GATAD2B: variants seen among roughly 807,000 people sequenced by gnomAD.
GATAD2B encodes transcriptional repressor p66-beta.
GATAD2B carries 8 observed loss-of-function variants against 64.3 expected under a neutral mutation model. That is an observed-to-expected ratio of 0.12 (90% confidence interval 0.07 to 0.22). The LOEUF is 0.22. GATAD2B is among the 10% of genes least tolerant of loss of function. The pLI, the probability that GATAD2B is intolerant of heterozygous loss-of-function variation, is 1.00. For synonymous variants in GATAD2B, 281 were observed against 271.3 expected, an observed-to-expected ratio of 1.04 and a Z score of -0.35; for missense variants, 453 against 752.0, an observed-to-expected ratio of 0.60 and a Z score of 4.65.
intron 1 of GATAD2B, among the ~76,000 whole-genome samples, chr1:153,917,958 A>G (rs1003690388): frequency 1.3e-5 from 2 of 152,370 alleles, no homozygotes; most frequent in Non-Finnish European, 2.9e-5. Context: ...ACATTTAAGC[A>G]AAGACGTTAA....
intron 1 of GATAD2B, among the ~76,000 whole-genome samples, chr1:153,920,555 T>C (rs1040362964): frequency 6.6e-6 from 1 of 152,204 alleles, no homozygotes; most frequent in Non-Finnish European, 1.5e-5. Flanking sequence ...GAGTGCAGCC[T>C]ATATTCAGAC....
At chr1:153,890,760 A>G (rs1396103801) in intron 1 of GATAD2B, 2 of 152,236 alleles carry the variant, frequency 1.3e-5, no homozygotes, top group African/African-American at 2.4e-5. Flanking sequence ...TACAGTGACA[A>G]TAACTGTAAG....
At chr1:153,863,919 C>T (rs1376262468) in intron 1 of GATAD2B, among the ~76,000 whole-genome samples, 2 of 152,160 alleles carry the variant, frequency 1.3e-5, no homozygotes, top group African/African-American at 2.4e-5. Context: ...GCCACCACGC[C>T]CGGCCTAAAA....
chr1:153,883,671 G>A (rs1011036585), intron 1 of GATAD2B, among the ~76,000 whole-genome samples: 1 of 151,240 alleles, frequency 6.6e-6, no homozygotes, highest in Non-Finnish European at 1.5e-5. Context: ...ATTCCCACGT[G>A]AGTCTGCTGA....
rs911507234 is a variant in GATAD2B, at chr1:153,809,681, G to C, written c.*496C>G. ...ACCCCTACTGCAATCTGCAATGCTC[G>C]TATCATTGAACTGAATGTCATTTGT... is the stretch of plus-strand genomic sequence containing the variant. On this transcript the variant is annotated 3_prime_UTR_variant, in exon 11 of 11. Transcript: ENST00000368655. 1 of 138,556 alleles carries C rather than the reference G, an allele frequency of 7.2e-6. No homozygotes were observed. Among genetic ancestry groups the C allele is most frequent in the East Asian group, 2.1e-4 (1 of 4,744 alleles). The allele number at this position is 138,556 out of a possible 1,614,324, so 8.6% of individuals were successfully genotyped here.
chr1:153,920,448 G>T (rs149517607), intron 1 of GATAD2B, among the ~76,000 whole-genome samples: 2 of 152,332 alleles, frequency 1.3e-5, no homozygotes, highest in Non-Finnish European at 2.9e-5. Context: ...CCACCCTGTG[G>T]CCCTATGCTA....
At chr1:153,811,925 G>A in intron 9 of GATAD2B, 77 bp from the exon 10 acceptor site, 1 of 1,249,060 alleles carries the variant, frequency 8.0e-7, no homozygotes, top group Non-Finnish European at 1.2e-6. Context: ...AGGGAGTACA[G>A]AAGAAGACTA....
intron 1 of GATAD2B, among the ~76,000 whole-genome samples, chr1:153,862,117 CCTTTT>C (rs1676318179): frequency 1.6e-5 from 2 of 123,954 alleles, no homozygotes; most frequent in Admixed American, 1.9e-4. Context: ...TACATTATAT[CCTTTT>C]TTTTTTTTTT....
chr1:153,892,977 G>C (rs1249905993), intron 1 of GATAD2B, among the ~76,000 whole-genome samples: 3 of 152,128 alleles, frequency 2.0e-5, no homozygotes, highest in Non-Finnish European at 4.4e-5. Flanking sequence ...ATAGGTGTGA[G>C]CCACTGCGCC....
At chr1:153,877,900 A>T (rs1280600587) in intron 1 of GATAD2B, among the ~76,000 whole-genome samples, 1 of 151,954 alleles carries the variant, frequency 6.6e-6, no homozygotes, top group Non-Finnish European at 1.5e-5. Flanking sequence ...AAAAAAAAAA[A>T]AAAAAGGGTA....
At chr1:153,870,505 A>G (rs996154498) in intron 1 of GATAD2B, among the ~76,000 whole-genome samples, 2 of 152,068 alleles carry the variant, frequency 1.3e-5, no homozygotes, top group African/African-American at 4.8e-5. Context: ...CCCAGGAGGC[A>G]GAGCTTGCAG....
intron 1 of GATAD2B, among the ~76,000 whole-genome samples, chr1:153,917,752 C>T (rs560825726): frequency 6.6e-6 from 1 of 152,174 alleles, no homozygotes; most frequent in Non-Finnish European, 1.5e-5. Context: ...AAACAAATTA[C>T]CAAAACAAAT....
chr1:153,810,519 G>T (rs573282238), intron 10 of GATAD2B, among the ~76,000 whole-genome samples: 1 of 152,182 alleles, frequency 6.6e-6, no homozygotes, highest in South Asian at 2.1e-4. Flanking sequence ...GGAGTGCAGT[G>T]GTGTGATCTC....
intron 1 of GATAD2B, among the ~76,000 whole-genome samples, chr1:153,910,643 G>A (rs925028611): frequency 3.9e-5 from 6 of 152,074 alleles, no homozygotes; most frequent in African/African-American, 7.2e-5. Flanking sequence ...AGGAGGCTGA[G>A]GCAGAAGAAT....
In GATAD2B at chr1:153,859,907, C is replaced by CTTTTT. The variant is rs34557576; in HGVS notation, c.-1-31564_-1-31560dup. On this transcript the variant is annotated intron_variant, in intron 1 of 10. Transcript: ENST00000368655. ...CTGTCAAGGAATTTTCTTTTCTTTTCTTTTTTTTTTTTTTTTTTTTTTTTT... is the reference window on the plus strand; with the variant it reads ...CTGTCAAGGAATTTTCTTTTCTTTTCTTTTTTTTTTTTTTTTTTTTTTTTTTTTTT... 9.1e-3 allele frequency among the ~76,000 whole-genome samples: 554 copies of CTTTTT among 60,912 alleles called. 3 individuals are homozygous for CTTTTT. Among genetic ancestry groups the CTTTTT allele is most frequent in the East Asian group, 0.039 (80 of 2,038 alleles). 40.0% of individuals were successfully genotyped at this position (60,912 alleles called of 152,430 possible).
intron 1 of GATAD2B, chr1:153,921,926 G>A (rs950889651): frequency 6.6e-6 from 1 of 152,192 alleles, no homozygotes; most frequent in Non-Finnish European, 1.5e-5. Context: ...CAATGTAATT[G>A]AGAGCAGGGA....
chr1:153,819,095 G>A lies in GATAD2B; in HGVS notation c.466-173C>T, dbSNP rs190918063. 6.6e-5 allele frequency among the ~76,000 whole-genome samples: 10 copies of A among 152,314 alleles called. No individual in the cohort carries two copies. In the East Asian group the frequency reaches 1.3e-3, roughly 21 times the overall value. On this transcript the variant is annotated intron_variant, in intron 3 of 10. Transcript: ENST00000368655. ...CTGGCACAGTGCCTGGCATTCAGTA[G>A]GTACTCAAAGAAATGCTTACAGAAT...
intron 1 of GATAD2B, among the ~76,000 whole-genome samples, chr1:153,880,259 C>T (rs1392561742): frequency 2.0e-5 from 3 of 151,606 alleles, no homozygotes; most frequent in Admixed American, 6.6e-5. Flanking sequence ...GTCAGGAGAT[C>T]GAGACCAGCC....
intron 1 of GATAD2B, among the ~76,000 whole-genome samples, chr1:153,846,988 G>A (rs4475793): frequency 0.7 from 106,686 of 152,032 alleles, 39,327 homozygotes; most frequent in Non-Finnish European, 0.83. Flanking sequence ...TTATTTTGAC[G>A]GAGTATTGCT....
Sources: allele counts gnomAD v4.1 joint callset (sites outside exome capture counted in the v4.1 genomes callset), GRCh38; gene constraint gnomAD v4.1.1; transcripts MANE v1.5; gene names NCBI Gene and HGNC (gene_info 2026-07-23, HGNC 2026-07-21).